Variants in MYOM1 observed in about 807,000 individuals in gnomAD.
MYOM1 encodes myomesin-1.
In MYOM1, 164 loss-of-function variants were observed where a neutral mutation model predicts 205.3. The ratio of observed to expected loss-of-function variants is 0.80; its 90% CI spans 0.70 to 0.91. MYOM1 has a LOEUF of 0.91. Ranked by LOEUF, MYOM1 falls within the 40% of genes least tolerant of loss-of-function variation. MYOM1 has a pLI of 0.00. For synonymous variants in MYOM1, 772 were observed against 789.4 expected, an observed-to-expected ratio of 0.98 and a Z score of 0.37; for missense variants, 2,011 against 2,127.3, an observed-to-expected ratio of 0.95 and a Z score of 1.08.
At chr18:3,144,595 G>T (rs1168322510) in intron 13 of MYOM1, among the ~76,000 whole-genome samples, 1 of 152,074 alleles carries the variant, frequency 6.6e-6, no homozygotes, top group African/African-American at 2.4e-5. Flanking sequence ...GAAACACATT[G>T]TATTAATATA....
At chr18:3,108,483 G>C (rs1026584833) in intron 22 of MYOM1, among the ~76,000 whole-genome samples, 5 of 151,972 alleles carry the variant, frequency 3.3e-5, no homozygotes, top group Admixed American at 1.3e-4. Flanking sequence ...TCAAATGGAT[G>C]ATTCTTTCTA....
At chr18:3,181,323 C>CTAATT (rs10689454) in intron 5 of MYOM1, among the ~76,000 whole-genome samples, 1 of 151,446 alleles carries the variant, frequency 6.6e-6, no homozygotes, top group South Asian at 2.1e-4. Context: ...ACTTTAAAAA[C>CTAATT]TATCTGAGAG....
the MYOM1 span, among the ~76,000 whole-genome samples, chr18:3,229,419 T>C: frequency 6.6e-6 from 1 of 151,478 alleles, no homozygotes; most frequent in South Asian, 2.1e-4. Flanking sequence ...TCTCTTTCAG[T>C]TCGAAAAGGA....
chr18:3,235,187 C>A, the MYOM1 span, among the ~76,000 whole-genome samples: 1 of 151,952 alleles, frequency 6.6e-6, no homozygotes, highest in Admixed American at 6.5e-5. Flanking sequence ...ACATTTTTTT[C>A]TTTTTGTCTC....
chr18:3,231,128 T>G, the MYOM1 span, among the ~76,000 whole-genome samples: 13 of 152,156 alleles, frequency 8.5e-5, no homozygotes, highest in African/African-American at 4.8e-5. Context: ...TGATCCCAGG[T>G]GATGGGTCAT....
At chr18:3,099,314 A>C (rs534911248) in intron 25 of MYOM1, among the ~76,000 whole-genome samples, 2 of 152,270 alleles carry the variant, frequency 1.3e-5, no homozygotes, top group African/African-American at 2.4e-5. Context: ...AAATGCACAT[A>C]TATCAATATA....
At chr18:3,099,727 A>C (rs1472052533) in intron 25 of MYOM1, among the ~76,000 whole-genome samples, 1 of 152,246 alleles carries the variant, frequency 6.6e-6, no homozygotes, top group African/African-American at 2.4e-5. Context: ...AATGGTAGGC[A>C]CTGTCTTTAT....
intron 30 of MYOM1, 94 bp from the exon 31 acceptor site, chr18:3,085,226 CTGCTTTTTTTTTTTTTTTTTTTTTTTTTT>C: frequency 4.9e-6 from 1 of 202,998 alleles, no homozygotes; most frequent in Non-Finnish European, 8.6e-6. Context: ...TCTGCTGCTG[CTGCTTTTTTTTTTTTTTTTTTTTTTTTTT>C]TTTTTTTTTT....
In MYOM1 at chr18:3,189,032, C is replaced by A. The variant is rs1334622285; in HGVS notation, c.487G>T (p.Ala163Ser). Residue 163 changes from alanine to serine, a missense_variant, in exon 4 of 38, where the codon GCT (alanine) becomes TCT (serine). Transcript: ENST00000356443. This position sits in a 1 kb window ranked among gnomAD's most constrained non-coding sequence, Gnocchi z 4.8. ...DTEEERIKEAAAYIAQRNLLA... is the reference protein window; with the variant it reads ...DTEEERIKEASAYIAQRNLLA... The stretch of plus-strand genomic sequence containing the variant: ...AGATTCCTCTGGGCTATATAAGCAG[C>A]AGCTTCTTTAATTCTTTCTTCTTCC... The A allele has an allele frequency of 6.2e-7, 1 of 1,613,642 alleles. No homozygotes were observed. Among genetic ancestry groups the A allele is most frequent in the Admixed American group, 1.7e-5 (1 of 59,962 alleles).
At chr18:3,142,443 T>G (rs879885331) in intron 13 of MYOM1, among the ~76,000 whole-genome samples, 29 of 148,756 alleles carry the variant, frequency 1.9e-4, no homozygotes, top group Non-Finnish European at 3.3e-4. Context: ...AAAAAAAATA[T>G]TTTTTTTTGT....
the MYOM1 span, among the ~76,000 whole-genome samples, chr18:3,239,805 G>A: frequency 7.0e-6 from 1 of 143,038 alleles, no homozygotes; most frequent in East Asian, 2.1e-4. Flanking sequence ...AGCGGAGCAT[G>A]AAAAGACTAG....
At chr18:3,243,163 C>T in the MYOM1 span, among the ~76,000 whole-genome samples, 9 of 152,038 alleles carry the variant, frequency 5.9e-5, no homozygotes, top group East Asian at 1.5e-3. Context: ...TTTTGGTGCT[C>T]TAAAATTAAT....
At chr18:3,085,499 G>A (rs941519187) in intron 30 of MYOM1, among the ~76,000 whole-genome samples, 6 of 151,982 alleles carry the variant, frequency 3.9e-5, no homozygotes, top group East Asian at 1.9e-4. Context: ...GTGGTGAACC[G>A]TTCACAGATG....
chr18:3,237,624 G>GAAAAAAAAAAAAAAAAAAAAAAAAAAAAA, the MYOM1 span, among the ~76,000 whole-genome samples: 1 of 138,018 alleles, frequency 7.2e-6, no homozygotes, highest in African/African-American at 2.7e-5. Context: ...AAAAAAAAAG[G>GAAAAAAAAAAAAAAAAAAAAAAAAAAAAA]AAATACATTC....
At chr18:3,190,064 A>T (rs2144155787) in intron 3 of MYOM1, among the ~76,000 whole-genome samples, 1 of 152,232 alleles carries the variant, frequency 6.6e-6, no homozygotes, top group African/African-American at 2.4e-5. Flanking sequence ...GGAAGTGGTG[A>T]CGTTTATAAA....
At chr18:3,232,668 C>T in the MYOM1 span, among the ~76,000 whole-genome samples, 13 of 152,172 alleles carry the variant, frequency 8.5e-5, no homozygotes, top group African/African-American at 2.7e-4. Context: ...CTCTTCTTCC[C>T]AACAAGGATA....
At chr18:3,136,421 A>T (rs902619200) in intron 14 of MYOM1, among the ~76,000 whole-genome samples, 14 of 152,138 alleles carry the variant, frequency 9.2e-5, no homozygotes, top group African/African-American at 3.1e-4. Context: ...AAATTAAATT[A>T]AATTTTATTT....
intron 15 of MYOM1, 68 bp from the exon 16 acceptor site, chr18:3,134,892 A>C (rs1362706704): frequency 6.8e-7 from 1 of 1,462,422 alleles, no homozygotes; most frequent in African/African-American, 1.4e-5. Context: ...ATCTATGCAC[A>C]AACACACACC....
At chr18:3,173,478 G>C (rs2080589554) in intron 8 of MYOM1, among the ~76,000 whole-genome samples, 1 of 151,948 alleles carries the variant, frequency 6.6e-6, no homozygotes, top group South Asian at 2.1e-4. Context: ...GTAGGGTGTA[G>C]GGGCGGCAGT....
Sources: gnomAD v4.1 joint callset for allele counts (sites outside exome capture counted in the v4.1 genomes callset) on GRCh38, gnomAD v4.1.1 for gene constraint, Gnocchi (gnomAD v3.1) non-coding constraint, MANE v1.5 for transcripts, NCBI Gene and HGNC (gene_info 2026-07-23, HGNC 2026-07-21) for gene names.